The following ATL1 variants were observed in gnomAD, a reference collection of about 807,000 sequenced individuals.
The protein encoded by ATL1 is atlastin GTPase 1, also known as atlastin-1.
ATL1 carries 31 observed loss-of-function variants against 75.5 expected under a neutral mutation model. That is an observed-to-expected ratio of 0.41 (90% CI 0.31 to 0.55). The LOEUF is 0.55. Ranked by LOEUF, ATL1 falls within the 20% of genes least tolerant of loss-of-function variation. The pLI is 0.27. For synonymous variants in ATL1, 226 were observed against 233.3 expected (o/e 0.97, Z 0.28); for missense variants, 405 against 662.6 (o/e 0.61, Z 4.27).
chr14:50,602,450 T>C (rs2039280100), intron 6 of ATL1, among the ~76,000 whole-genome samples: 1 of 152,180 alleles, frequency 6.6e-6, no homozygotes, highest in Non-Finnish European at 1.5e-5. Context: ...GAGTTTACGA[T>C]TTAATCACTT....
At chr14:50,582,936 T>C (rs1355392552) in intron 1 of ATL1, among the ~76,000 whole-genome samples, 4 of 152,212 alleles carry the variant, frequency 2.6e-5, no homozygotes, top group African/African-American at 9.7e-5. Context: ...TACACTGATA[T>C]GTTGGATGTG....
intron 1 of ATL1, among the ~76,000 whole-genome samples, chr14:50,574,574 T>C (rs893223508): frequency 6.6e-6 from 1 of 152,206 alleles, no homozygotes; most frequent in Non-Finnish European, 1.5e-5. Flanking sequence ...CAACTGTGTC[T>C]AAAACTGACT....
At chr14:50,562,293 C>G (rs2038856803) in intron 1 of ATL1, among the ~76,000 whole-genome samples, 1 of 152,186 alleles carries the variant, frequency 6.6e-6, no homozygotes, top group Non-Finnish European at 1.5e-5. Flanking sequence ...ATCCGCCCGC[C>G]TCGGCCTCCC....
chr14:50,592,613 T>C lies in ATL1; in HGVS notation c.522+974T>C, dbSNP rs2039169609. ...ATTAACTTTTCTTTCAGTTGACAAA[T>C]AAAAATTATATATATTGGCCAGGCA... is the stretch of plus-strand genomic sequence containing the variant. On this transcript the variant is annotated intron_variant, in intron 4 of 13. Transcript: ENST00000358385. Among the ~76,000 whole-genome samples the C allele has an allele frequency of 2.0e-5, 3 of 151,862 alleles. No homozygotes were observed. In the South Asian group the frequency reaches 6.2e-4, roughly 32 times the overall value.
At chr14:50,590,902 C>T in intron 2 of ATL1, 39 bp from the exon 3 acceptor site, 1 of 1,599,130 alleles carries the variant, frequency 6.3e-7, no homozygotes. Context: ...ACTATATACA[C>T]ATATCAAGTT....
chr14:50,578,839 A>C (rs748522587), intron 1 of ATL1, among the ~76,000 whole-genome samples: 2 of 152,210 alleles, frequency 1.3e-5, no homozygotes, highest in Non-Finnish European at 2.9e-5. Flanking sequence ...TTGCTGGGTC[A>C]GGAATACATA....
intron 1 of ATL1, among the ~76,000 whole-genome samples, chr14:50,574,937 G>GTGTGTA (rs1475087119): frequency 1.3e-4 from 3 of 23,154 alleles, no homozygotes; most frequent in Non-Finnish European, 2.3e-4. Context: ...GTGTGTGTGT[G>GTGTGTA]TATATATATA....
chr14:50,582,860 T>A (rs1304346291), intron 1 of ATL1, among the ~76,000 whole-genome samples: 1 of 152,166 alleles, frequency 6.6e-6, no homozygotes, highest in Non-Finnish European at 1.5e-5. Flanking sequence ...GCAAACTGAA[T>A]CCAACATTAT....
intron 6 of ATL1, among the ~76,000 whole-genome samples, chr14:50,606,613 A>G (rs1050614395): frequency 1.3e-5 from 2 of 152,032 alleles, no homozygotes; most frequent in African/African-American, 2.4e-5. Flanking sequence ...GAATTTGATT[A>G]ATTACTTTTG....
chr14:50,574,953 A>G (rs1417257180), intron 1 of ATL1, among the ~76,000 whole-genome samples: 10 of 131,708 alleles, frequency 7.6e-5, no homozygotes, highest in African/African-American at 2.9e-4. Flanking sequence ...ATATATATAT[A>G]TATATATATA....
chr14:50,563,735 T>C (rs1450262255), intron 1 of ATL1, among the ~76,000 whole-genome samples: 1 of 152,198 alleles, frequency 6.6e-6, no homozygotes. Context: ...GGACGATGTT[T>C]GAAGACCATA....
intron 1 of ATL1, among the ~76,000 whole-genome samples, chr14:50,545,363 T>A (rs901871088): frequency 6.6e-6 from 1 of 152,162 alleles, no homozygotes; most frequent in Non-Finnish European, 1.5e-5. Flanking sequence ...GGGCTTTTCT[T>A]ATAACAATTG....
chr14:50,625,440 CAG>C (rs1284946626), intron 11 of ATL1, among the ~76,000 whole-genome samples: 4 of 152,188 alleles, frequency 2.6e-5, no homozygotes, highest in African/African-American at 9.7e-5. Context: ...CCACGGTAAA[CAG>C]AGATTTTCAA....
At chr14:50,630,622 A>AT (rs2039570565) in intron 13 of ATL1, among the ~76,000 whole-genome samples, 1 of 152,212 alleles carries the variant, frequency 6.6e-6, no homozygotes, top group Non-Finnish European at 1.5e-5. Flanking sequence ...CTCTGGAATC[A>AT]TTTAGGTCAT....
chr14:50,603,841 A>ATC (rs2039292966), intron 6 of ATL1, among the ~76,000 whole-genome samples: 1 of 152,182 alleles, frequency 6.6e-6, no homozygotes, highest in African/African-American at 2.4e-5. Context: ...TGAGGAAGTT[A>ATC]TCTACCCTAT....
intron 1 of ATL1, among the ~76,000 whole-genome samples, chr14:50,552,976 G>A (rs985433512): frequency 2.6e-5 from 4 of 152,000 alleles, no homozygotes; most frequent in African/African-American, 9.7e-5. Context: ...CTAAGAATCC[G>A]AAAGCAAATG....
rs184579205 is a variant in ATL1, at chr14:50,534,371, C to A, written c.-140+1004C>A. ...ATAGTGTTTTTGAGATCAAGAGTAA[C>A]CAATTGATCAAGAAGAGGCATATAT... On this transcript the variant is annotated intron_variant, in intron 1 of 13. Coordinates refer to the ATL1 transcript ENST00000441560. Among the ~76,000 whole-genome samples the A allele has an allele frequency of 2.6e-4, 40 of 152,238 alleles. 1 individual carries two copies. Among genetic ancestry groups the A allele is most frequent in the Admixed American group, 2.3e-3 (35 of 15,294 alleles).
chr14:50,598,610 G>A (rs1359378416), intron 6 of ATL1, among the ~76,000 whole-genome samples: 7 of 152,024 alleles, frequency 4.6e-5, no homozygotes, highest in Middle Eastern at 3.2e-3. Context: ...TTATCTGCCC[G>A]CCTCGGCCTC....
At chr14:50,550,056 G>C (rs12891820) in intron 1 of ATL1, among the ~76,000 whole-genome samples, 30,864 of 152,204 alleles carry the variant, frequency 0.2, 3,910 homozygotes, top group Middle Eastern at 0.29. Context: ...TATGATGCTG[G>C]AGGGTGAATG....
Sources: gnomAD v4.1 joint callset for allele counts (sites outside exome capture counted in the v4.1 genomes callset) on GRCh38, gnomAD v4.1.1 for gene constraint, MANE v1.5 for transcripts, NCBI Gene and HGNC (gene_info 2026-07-23, HGNC 2026-07-21) for gene names.